Variants in GINS1 observed in about 807,000 individuals in gnomAD.
The protein encoded by GINS1 is GINS complex subunit 1.
In GINS1, 26 loss-of-function variants were observed where a neutral mutation model predicts 34.9. That is an observed-to-expected ratio of 0.74 (90% CI 0.55 to 1.03). The LOEUF is 1.03. Ranked by LOEUF, GINS1 falls within the 50% of genes least tolerant of loss-of-function variation. The pLI is 0.00. For missense variants in GINS1, 235 were observed against 237.9 expected (o/e 0.99, Z 0.08); for synonymous variants, 97 against 84.4 (o/e 1.15, Z -0.82).
chr20:25,429,088 A>G (rs2090412552), intron 5 of GINS1, among the ~76,000 whole-genome samples: 1 of 148,612 alleles, frequency 6.7e-6, no homozygotes, highest in African/African-American at 2.5e-5. Context: ...TCCTGGGTTC[A>G]AGTGATTCTC....
At chr20:25,418,253 T>C in intron 4 of GINS1, 58 bp downstream of exon 4, 1 of 959,324 alleles carries the variant, frequency 1.0e-6, no homozygotes, top group East Asian at 2.4e-5. Flanking sequence ...CTGGCATTGT[T>C]CTATAATAGT....
At chr20:25,432,840 T>C (rs1174774516) in intron 5 of GINS1, among the ~76,000 whole-genome samples, 3 of 148,628 alleles carry the variant, frequency 2.0e-5, no homozygotes, top group African/African-American at 7.3e-5. Context: ...ATATATTATG[T>C]TATATAGTAT....
At chr20:25,440,730 G>A (rs962317834) in intron 5 of GINS1, among the ~76,000 whole-genome samples, 1 of 149,622 alleles carries the variant, frequency 6.7e-6, no homozygotes, top group Non-Finnish European at 1.5e-5. Context: ...AGAACCGCTT[G>A]AGCCTGGGAG....
intron 5 of GINS1, among the ~76,000 whole-genome samples, chr20:25,427,027 A>T (rs2090395274): frequency 6.6e-6 from 1 of 152,110 alleles, no homozygotes; most frequent in African/African-American, 2.4e-5. Flanking sequence ...TCCAGAGTGG[A>T]ATTACTAGAT....
chr20:25,438,641 C>T (rs926021402), intron 5 of GINS1, among the ~76,000 whole-genome samples: 1 of 149,488 alleles, frequency 6.7e-6, no homozygotes, highest in African/African-American at 2.5e-5. Context: ...GCAAGGAGTC[C>T]TGGTTTACTA....
chr20:25,441,598 A>G, intron 5 of GINS1, 104 bp from the exon 6 acceptor site: 1 of 646,506 alleles, frequency 1.5e-6, no homozygotes, highest in Non-Finnish European at 2.8e-6. Flanking sequence ...GAGGAAACAA[A>G]CAAAGTCCTT....
intron 1 of GINS1, among the ~76,000 whole-genome samples, chr20:25,410,754 G>T (rs1164298445): frequency 6.6e-6 from 1 of 151,860 alleles, no homozygotes. Flanking sequence ...GTAGAGATGG[G>T]GTTTCACTAT....
At chr20:25,430,191 G>A (rs2500427) in intron 5 of GINS1, among the ~76,000 whole-genome samples, 257 of 152,312 alleles carry the variant, frequency 1.7e-3, no homozygotes, top group Middle Eastern at 6.8e-3. Flanking sequence ...GATTATAGGC[G>A]TGAGCCACCG....
rs991614583 is a variant in GINS1 at position 25,407,766 on chromosome 20, A to G, written c.-55A>G. On this transcript the variant is annotated 5_prime_UTR_variant, in exon 1 of 7. Transcript: ENST00000262460. ...GTGAGGCGCCGAGAGCCCAGATACC[A>G]TTTTGGCGTGAGAGCTGGTGGTTGG... 1.4e-5 allele frequency: 19 copies of G among 1,379,738 alleles called. No homozygotes were observed. The African/African-American group carries it at 1.4e-4, about 10-fold the overall frequency. The allele number at this position is 1,379,738 out of a possible 1,614,324, so 85.5% of individuals were successfully genotyped here. A position where few individuals can be genotyped will look rare whatever the true frequency, so the allele number is the denominator to read the frequency against.
At chr20:25,432,718 C>T (rs200093637) in intron 5 of GINS1, among the ~76,000 whole-genome samples, 5 of 151,866 alleles carry the variant, frequency 3.3e-5, no homozygotes, top group East Asian at 1.9e-4. Context: ...CTGCCCACCT[C>T]GGCCTCCCAA....
At chr20:25,412,281 C>A (rs910798743) in intron 1 of GINS1, among the ~76,000 whole-genome samples, 1 of 151,842 alleles carries the variant, frequency 6.6e-6, no homozygotes, top group Admixed American at 6.6e-5. Flanking sequence ...AAGCTGGGCC[C>A]AGTGGCTCAT....
intron 1 of GINS1, among the ~76,000 whole-genome samples, chr20:25,408,734 A>G (rs2090263781): frequency 6.6e-6 from 1 of 152,106 alleles, no homozygotes; most frequent in South Asian, 2.1e-4. Context: ...ATTGTTTTCT[A>G]CTTTTTTCAG....
intron 5 of GINS1, among the ~76,000 whole-genome samples, chr20:25,436,154 T>C (rs1361163276): frequency 6.6e-6 from 1 of 152,004 alleles, no homozygotes; most frequent in African/African-American, 2.4e-5. Flanking sequence ...GGTCTCCCTA[T>C]GTTGCCTAGG....
At chr20:25,438,473 G>A (rs1407506454) in intron 5 of GINS1, among the ~76,000 whole-genome samples, 2 of 144,162 alleles carry the variant, frequency 1.4e-5, no homozygotes, top group Non-Finnish European at 3.0e-5. Flanking sequence ...CATCAATTAC[G>A]TTAGAAGTAT....
rs1187550321 is a variant in GINS1, at chr20:25,419,610, TTCTC to T, written c.330+1417_330+1420del. The T allele has an allele frequency of 6.1e-6, 5 of 818,934 alleles. No homozygotes were observed. In the East Asian group the frequency reaches 4.0e-4, roughly 65 times the overall value. The allele number at this position is 818,934 out of a possible 1,614,324, so 50.7% of individuals were successfully genotyped here. A position where few individuals can be genotyped will look rare whatever the true frequency, so the allele number is the denominator to read the frequency against. On this transcript the variant is annotated intron_variant, in intron 4 of 6. Coordinates refer to ENST00000262460, the MANE Select transcript of GINS1 (RefSeq NM_021067.5). ...TGGTGAGATGAACAGAACATTATGT[TTCTC>T]TAACGACAGTAGCTTTAATGATTTT...
At chr20:25,412,337 C>G (rs1442503037) in intron 1 of GINS1, among the ~76,000 whole-genome samples, 5 of 151,824 alleles carry the variant, frequency 3.3e-5, no homozygotes, top group Non-Finnish European at 7.4e-5. Context: ...GTGGATCACC[C>G]GAGGTCAGGA....
Position 25,448,048 on chromosome 20 carries a change from T to C in GINS1, c.*2057T>C, listed in dbSNP as rs1339620151. 1.3e-5 allele frequency: 2 copies of C among 152,228 alleles called. No individual in the cohort carries two copies. The highest frequency in any genetic ancestry group is 4.8e-5 in the African/African-American group (2 of 41,448). 9.4% of individuals were successfully genotyped at this position (152,228 alleles called of 1,614,324 possible). A position where few individuals can be genotyped will look rare whatever the true frequency, so the allele number is the denominator to read the frequency against. On this transcript the variant is annotated 3_prime_UTR_variant, in exon 7 of 7. Transcript: ENST00000262460. ...CGGCAGGCTGAGGTGGGAGGATCAC[T>C]TGAACCCCAGAGGTCAAGACTGCAG...
At chr20:25,421,079 A>G (rs1001104722) in intron 4 of GINS1, 1 of 419,594 alleles carries the variant, frequency 2.4e-6, no homozygotes, top group African/African-American at 2.2e-5. Context: ...TGGGTGACTG[A>G]AGCACATGGG....
chr20:25,435,725 A>C (rs2090450395), intron 5 of GINS1, among the ~76,000 whole-genome samples: 1 of 134,616 alleles, frequency 7.4e-6, no homozygotes, highest in East Asian at 2.5e-4. Flanking sequence ...AGATCACACC[A>C]CTGCACTCCA....
Sources: allele counts gnomAD v4.1 joint callset (sites outside exome capture counted in the v4.1 genomes callset), GRCh38; gene constraint gnomAD v4.1.1; transcripts MANE v1.5; gene names NCBI Gene and HGNC (gene_info 2026-07-23, HGNC 2026-07-21).